Variants in WWOX observed in about 807,000 individuals in gnomAD.
WWOX encodes the protein WW domain-containing oxidoreductase.
A neutral mutation model predicts 46.2 loss-of-function variants in WWOX; 69 were observed. That is an observed-to-expected ratio of 1.49 (90% CI 1.23 to 1.82). WWOX has a LOEUF of 1.82. Among genes scored for constraint, WWOX ranks in the 40% most tolerant of loss-of-function variants. WWOX has a pLI of 0.00. For synonymous variants in WWOX, 359 were observed against 202.6 expected, an observed-to-expected ratio of 1.77 and a Z score of -6.56; for missense variants, 919 against 542.6, an observed-to-expected ratio of 1.69 and a Z score of -6.89.
Position 78,289,763 on chromosome 16 carries a change from G to C in WWOX, c.517-97097G>C, listed in dbSNP as rs552583749. ...TCTTGTTTTCTTTTATACTGGCTAGGATGGTCTGGTCCTTTAGAGGAGGTC... is the reference window on the plus strand; with the variant it reads ...TCTTGTTTTCTTTTATACTGGCTAGCATGGTCTGGTCCTTTAGAGGAGGTC... On this transcript the variant is annotated intron_variant, in intron 5 of 8. Coordinates refer to ENST00000566780, the MANE Select transcript of WWOX (RefSeq NM_016373.4). 6.2e-4 allele frequency among the ~76,000 whole-genome samples: 94 copies of C among 152,296 alleles called. 1 individual carries two copies. The highest frequency in any genetic ancestry group is 1.2e-3 in the South Asian group (6 of 4,826).
At chr16:78,431,404 A>G (rs2083214008) in intron 7 of WWOX, among the ~76,000 whole-genome samples, 1 of 152,122 alleles carries the variant, frequency 6.6e-6, no homozygotes, top group South Asian at 2.1e-4. Flanking sequence ...AGACAACAAG[A>G]CTCATCTATA....
Position 78,240,454 on chromosome 16 carries a change from A to G in WWOX, c.516+76165A>G, listed in dbSNP as rs559064594. Among the ~76,000 whole-genome samples the G allele has an allele frequency of 5.9e-4, 90 of 152,272 alleles. No individual in the cohort carries two copies. In the Middle Eastern group the frequency reaches 0.01, roughly 17 times the overall value. ...GCCACGGTCATGGGCAGCCCCCAGA[A>G]ACGAGGAGAGAAACCTGGCACGGTT... is the stretch of plus-strand genomic sequence containing the variant. On this transcript the variant is annotated intron_variant, in intron 5 of 8. Coordinates refer to ENST00000566780, the MANE Select transcript of WWOX (RefSeq NM_016373.4).
chr16:78,594,246 A>C (rs1185971985), intron 8 of WWOX, among the ~76,000 whole-genome samples: 4 of 151,938 alleles, frequency 2.6e-5, no homozygotes, highest in Admixed American at 6.6e-5. Context: ...TGTGTGCATC[A>C]ATTCATATGG....
At chr16:78,978,201 C>T (rs879634672) in intron 8 of WWOX, among the ~76,000 whole-genome samples, 6 of 152,164 alleles carry the variant, frequency 3.9e-5, no homozygotes, top group Admixed American at 3.3e-4. Context: ...AATAGTATTC[C>T]ACTGTATATT....
At chr16:78,547,275 G>C (rs966785501) in intron 8 of WWOX, among the ~76,000 whole-genome samples, 1 of 151,770 alleles carries the variant, frequency 6.6e-6, no homozygotes, top group African/African-American at 2.4e-5. Context: ...GCGTACATCA[G>C]CTCTTTCAAA....
rs116747755 is a variant in WWOX, at chr16:78,707,436, C to G, written c.1056+274684C>G. 3.8e-3 allele frequency among the ~76,000 whole-genome samples: 585 copies of G among 152,312 alleles called. 2 individuals are homozygous for G. The highest frequency in any genetic ancestry group is 0.013 in the African/African-American group (561 of 41,580). On this transcript the variant is annotated intron_variant, in intron 8 of 8. Coordinates refer to ENST00000566780, the MANE Select transcript of WWOX (RefSeq NM_016373.4). ...TTTTTATGCACAAGCATCAGAGGTTCTGGACATCTTCTTGGGCTAGTTGGT... is the reference window on the plus strand; with the variant it reads ...TTTTTATGCACAAGCATCAGAGGTTGTGGACATCTTCTTGGGCTAGTTGGT...
At chr16:78,716,205 C>T (rs1298374635) in intron 8 of WWOX, among the ~76,000 whole-genome samples, 1 of 151,884 alleles carries the variant, frequency 6.6e-6, no homozygotes. Context: ...AAACATAGGG[C>T]CGTGTAGAGG....
chr16:78,388,963 C>G (rs1012124081), intron 6 of WWOX, among the ~76,000 whole-genome samples: 2 of 125,438 alleles, frequency 1.6e-5, no homozygotes, highest in Admixed American at 8.3e-5. Context: ...GAGCAAAACT[C>G]TGTCTCAAAA....
intron 5 of WWOX, among the ~76,000 whole-genome samples, chr16:78,290,163 G>T (rs2079836831): frequency 6.6e-6 from 1 of 152,150 alleles, no homozygotes; most frequent in Admixed American, 6.6e-5. Context: ...TTCTACACTG[G>T]AAGTGTAATC....
chr16:78,884,289 A>C (rs942548665), intron 8 of WWOX, among the ~76,000 whole-genome samples: 3 of 150,140 alleles, frequency 2.0e-5, no homozygotes, highest in African/African-American at 2.4e-5. Flanking sequence ...AAAAAAAAAA[A>C]AAAACAAAAG....
chr16:78,153,967 T>G (rs1179912415), intron 4 of WWOX, among the ~76,000 whole-genome samples: 4 of 152,130 alleles, frequency 2.6e-5, no homozygotes, highest in African/African-American at 9.7e-5. Context: ...ATGTTTTTTG[T>G]GCCTGAGGAT....
intron 8 of WWOX, among the ~76,000 whole-genome samples, chr16:78,799,256 C>A (rs1416971704): frequency 6.6e-6 from 1 of 152,142 alleles, no homozygotes; most frequent in Non-Finnish European, 1.5e-5. Context: ...CTTGCCGTCT[C>A]TTTAACGGAG....
At chr16:78,874,700 T>TTTTTTTTTTTTTTTC in intron 8 of WWOX, among the ~76,000 whole-genome samples, 1 of 146,180 alleles carries the variant, frequency 6.8e-6, no homozygotes, top group Admixed American at 6.9e-5. Flanking sequence ...TTTTTTTTTT[T>TTTTTTTTTTTTTTTC]TTTTTTTGGC....
chr16:78,555,825 A>G (rs899868754), intron 8 of WWOX, among the ~76,000 whole-genome samples: 4 of 152,264 alleles, frequency 2.6e-5, no homozygotes, highest in East Asian at 1.9e-4. Context: ...AGCCATGCCA[A>G]TAAGAAAAAT....
intron 5 of WWOX, among the ~76,000 whole-genome samples, chr16:78,312,284 G>T (rs74029882): frequency 2.6e-5 from 4 of 151,596 alleles, no homozygotes; most frequent in Admixed American, 2.0e-4. Flanking sequence ...AGTATCTTTT[G>T]TAGGGGGTAA....
chr16:78,105,420 C>G (rs1056088839), intron 1 of WWOX, among the ~76,000 whole-genome samples: 1 of 150,382 alleles, frequency 6.6e-6, no homozygotes, highest in Non-Finnish European at 1.5e-5. Context: ...GATTGCACCA[C>G]TGTACTGCAG....
At chr16:78,543,432 T>C (rs2667644) in intron 8 of WWOX, among the ~76,000 whole-genome samples, 2 of 152,192 alleles carry the variant, frequency 1.3e-5, no homozygotes, top group Non-Finnish European at 2.9e-5. Context: ...AGAGGTACTG[T>C]ATTGTTGGTT....
chr16:78,994,973 T>C (rs936442214), intron 8 of WWOX, among the ~76,000 whole-genome samples: 6 of 125,248 alleles, frequency 4.8e-5, no homozygotes, highest in African/African-American at 2.0e-4. Flanking sequence ...CTTCTTCTTT[T>C]TTTTTTTTTT....
chr16:78,452,475 C>CTCTTTTT lies in WWOX; in HGVS notation c.1056+19724_1056+19725insCTTTTTT, dbSNP rs1373956901. Among the ~76,000 whole-genome samples the CTCTTTTT allele has an allele frequency of 1.4e-4, 18 of 126,052 alleles. No homozygotes were observed. In the South Asian group the frequency reaches 4.0e-3, roughly 28 times the overall value. 82.7% of individuals were successfully genotyped at this position (126,052 alleles called of 152,430 possible). A position where few individuals can be genotyped will look rare whatever the true frequency, so the allele number is the denominator to read the frequency against. On this transcript the variant is annotated intron_variant, in intron 8 of 8. Coordinates refer to ENST00000566780, the MANE Select transcript of WWOX (RefSeq NM_016373.4). The stretch of plus-strand genomic sequence containing the variant: ...AATAAATACTTTTTTCTCTCTCTCT[C>CTCTTTTT]TTTTTTTTTTTTTTTTTTTGAGACG...
Sources: gnomAD v4.1 joint callset for allele counts (sites outside exome capture counted in the v4.1 genomes callset) on GRCh38, gnomAD v4.1.1 for gene constraint, MANE v1.5 for transcripts, NCBI Gene and HGNC (gene_info 2026-07-23, HGNC 2026-07-21) for gene names.